The following SLIT2 variants were observed in gnomAD, a reference collection of about 807,000 sequenced individuals.
SLIT2 encodes slit homolog 2 protein.
Under a neutral mutation model 185.7 loss-of-function variants are expected in SLIT2, and 41 were observed. That is an observed-to-expected ratio of 0.22 (90% CI 0.17 to 0.29). The LOEUF is 0.29. SLIT2 is among the 10% of genes least tolerant of loss of function. The pLI is 1.00. For synonymous variants in SLIT2, 693 were observed against 680.2 expected (o/e 1.02, Z -0.29); for missense variants, 1,571 against 1,909.0 (o/e 0.82, Z 3.30).
intron 4 of SLIT2, among the ~76,000 whole-genome samples, chr4:20,425,940 C>T (rs1057009255): frequency 4.6e-5 from 7 of 152,184 alleles, no homozygotes; most frequent in African/African-American, 1.4e-4. Context: ...TTTTTCAAGA[C>T]TCTTCTGTGC....
intron 4 of SLIT2, among the ~76,000 whole-genome samples, chr4:20,422,556 A>G (rs1402407273): frequency 6.6e-6 from 1 of 152,156 alleles, no homozygotes. Context: ...CTTACATCCT[A>G]ATGTTAACAG....
chr4:20,606,481 C>CA (rs35581868), intron 33 of SLIT2, among the ~76,000 whole-genome samples: 54,483 of 142,476 alleles, frequency 0.38, 10,484 homozygotes, highest in African/African-American at 0.53. Context: ...GACTCTGTCT[C>CA]AAAAAAAAAA....
chr4:20,404,411 C>T (rs1247394957), intron 4 of SLIT2, among the ~76,000 whole-genome samples: 1 of 151,954 alleles, frequency 6.6e-6, no homozygotes, highest in Non-Finnish European at 1.5e-5. Context: ...TGCTCTATCC[C>T]TCACTTGCTT....
At position 20,606,992 on chromosome 4, in the gene SLIT2, G is replaced by A. The variant is rs1728841131; in HGVS notation, c.3693-3021G>A. 2.0e-5 allele frequency among the ~76,000 whole-genome samples: 3 copies of A among 152,280 alleles called. No homozygotes were observed. In the East Asian group the frequency reaches 5.8e-4, roughly 29 times the overall value. ...ATAATAATTAAGAGCACATACACTT[G>A]AGCTGGACAACCTGGCTTCAGAACT... On this transcript the variant is annotated intron_variant, in intron 33 of 36. Transcript: ENST00000504154.
In SLIT2 at chr4:20,491,896, A is replaced by T. The variant is rs1486765635; in HGVS notation, c.911A>T (p.Glu304Val). 1.2e-6 allele frequency: 2 copies of T among 1,611,862 alleles called. No individual in the cohort carries two copies. Among genetic ancestry groups the T allele is most frequent in the Non-Finnish European group, 1.7e-6 (2 of 1,179,342 alleles). Residue 304 changes from glutamate (E) to valine (V), a missense_variant, in exon 9 of 37, where the codon GAA (glutamate) becomes GTA (valine). Around this residue, in one of 3 missense-constraint regions of SLIT2, gnomAD observed 1,202 missense variants for 1,416.4 expected, o/e 0.85. Coordinates refer to ENST00000504154, the MANE Select transcript of SLIT2 (RefSeq NM_004787.4). ...ACAAATCTTCCAGAGACCATCACAG[A>T]AATGTATGTGCCTGAAATTCTTTCT... ...IPTNLPETIT[E>V]IRLEQNTIKV...
At chr4:20,398,031 G>C (rs1184730354) in intron 4 of SLIT2, among the ~76,000 whole-genome samples, 1 of 151,746 alleles carries the variant, frequency 6.6e-6, no homozygotes, top group Non-Finnish European at 1.5e-5. Flanking sequence ...TATGTTTGAG[G>C]CATCTGTGAG....
Position 20,484,580 on chromosome 4 carries a change from T to C in SLIT2, c.540-1620T>C, listed in dbSNP as rs554462805. 1.3e-4 allele frequency among the ~76,000 whole-genome samples: 20 copies of C among 152,216 alleles called. No individual in the cohort carries two copies. Among genetic ancestry groups the C allele is most frequent in the Non-Finnish European group, 1.9e-4 (13 of 68,004 alleles). On this transcript the variant is annotated intron_variant, in intron 6 of 36. Transcript: ENST00000504154. This position sits in a 1 kb window ranked among gnomAD's most constrained non-coding sequence, Gnocchi z 4.3. The stretch of plus-strand genomic sequence containing the variant: ...TGACATGCCCTGTTTTACTGAAAAG[T>C]TTTTGTCAATCTCTTGACCTCTGAA...
intron 4 of SLIT2, among the ~76,000 whole-genome samples, chr4:20,308,348 A>G (rs748014339): frequency 2.6e-5 from 4 of 152,234 alleles, no homozygotes; most frequent in Non-Finnish European, 4.4e-5. Context: ...CAAAGTGCCA[A>G]TAGGTAACCT....
At chr4:20,353,133 G>T (rs1722021469) in intron 4 of SLIT2, among the ~76,000 whole-genome samples, 1 of 152,046 alleles carries the variant, frequency 6.6e-6, no homozygotes, top group African/African-American at 2.4e-5. Context: ...TGCTGTAGTA[G>T]GAAAAACAGG....
At chr4:20,310,637 T>G (rs1218735969) in intron 4 of SLIT2, among the ~76,000 whole-genome samples, 9 of 152,164 alleles carry the variant, frequency 5.9e-5, no homozygotes, top group Non-Finnish European at 1.3e-4. Flanking sequence ...TATGCTTCCT[T>G]TCAGTGACTT....
intron 4 of SLIT2, among the ~76,000 whole-genome samples, chr4:20,400,241 T>C (rs1726235192): frequency 6.6e-6 from 1 of 151,716 alleles, no homozygotes; most frequent in African/African-American, 2.4e-5. Context: ...GAGTATGATA[T>C]GGGGAAGATT....
chr4:20,492,477 T>C (rs1717868035), intron 9 of SLIT2, among the ~76,000 whole-genome samples: 1 of 152,212 alleles, frequency 6.6e-6, no homozygotes. Flanking sequence ...ATTGCACACG[T>C]ATTTTGTATG....
chr4:20,409,478 G>A (rs1161441351), intron 4 of SLIT2, among the ~76,000 whole-genome samples: 1 of 152,074 alleles, frequency 6.6e-6, no homozygotes, highest in African/African-American at 2.4e-5. Flanking sequence ...TCATTGATGG[G>A]CATTTAGGTC....
intron 4 of SLIT2, among the ~76,000 whole-genome samples, chr4:20,410,219 G>GGTTTT (rs1727110876): frequency 7.1e-6 from 1 of 141,046 alleles, no homozygotes. Context: ...TTTAAGTCTT[G>GGTTTT]GTTTTTTTTC....
At position 20,523,915 on chromosome 4, in the gene SLIT2, T is replaced by A; in HGVS notation, c.1274+12T>A. On this transcript the variant is annotated intron_variant, in intron 13 of 36. Transcript: ENST00000504154. The stretch of plus-strand genomic sequence containing the variant: ...GCCATTCAAACTATGTATGTATAAG[T>A]GATTTGGATCACTTTTGATGACATT... 1 of 1,613,808 alleles carries A rather than the reference T, an allele frequency of 6.2e-7. No individual in the cohort carries two copies. The highest frequency in any genetic ancestry group is 1.1e-5 in the South Asian group (1 of 91,052).
At chr4:20,339,830 A>G (rs1412237770) in intron 4 of SLIT2, among the ~76,000 whole-genome samples, 2 of 152,180 alleles carry the variant, frequency 1.3e-5, no homozygotes, top group Non-Finnish European at 2.9e-5. Context: ...AAAAAAAAGA[A>G]AAAAATCTAA....
At chr4:20,609,057 GT>G (rs1729010693) in intron 33 of SLIT2, among the ~76,000 whole-genome samples, 2 of 152,046 alleles carry the variant, frequency 1.3e-5, no homozygotes, top group Non-Finnish European at 2.9e-5. Flanking sequence ...TTCTTCTTTG[GT>G]CCTGTTTCAT....
At chr4:20,539,351 A>G in intron 18 of SLIT2, 90 bp from the exon 19 acceptor site, 3 of 1,148,976 alleles carry the variant, frequency 2.6e-6, no homozygotes, top group Admixed American at 4.5e-5. Context: ...TGAATGCTAC[A>G]TATTTGCAAG....
intron 4 of SLIT2, among the ~76,000 whole-genome samples, chr4:20,278,876 C>G (rs1001660873): frequency 2.0e-5 from 3 of 151,928 alleles, no homozygotes; most frequent in Non-Finnish European, 4.4e-5. Flanking sequence ...GCTTAAGAAA[C>G]GTACAGAAGA....
Sources: gnomAD v4.1 joint callset for allele counts (sites outside exome capture counted in the v4.1 genomes callset) on GRCh38, gnomAD v4.1.1 for gene constraint, gnomAD v4.1.1 regional missense constraint, Gnocchi (gnomAD v3.1) non-coding constraint, MANE v1.5 for transcripts, NCBI Gene and HGNC (gene_info 2026-07-23, HGNC 2026-07-21) for gene names.